RNGTT: variants seen among roughly 807,000 people sequenced by gnomAD.
RNGTT encodes RNA guanylyltransferase and 5'-phosphatase.
Under a neutral mutation model 79.3 loss-of-function variants are expected in RNGTT, and 33 were observed. The observed-to-expected ratio is 0.42, with a 90% confidence interval of 0.32 to 0.56. The LOEUF (loss-of-function observed/expected upper bound fraction) is 0.56. Among genes scored for constraint, RNGTT ranks in the 20% least tolerant of loss-of-function variants. The probability of loss-of-function intolerance (pLI) is 0.17; values close to 1 mark genes in which losing one functional copy is unlikely to be tolerated. For missense variants in RNGTT, 497 were observed against 739.1 expected (o/e 0.67, Z 3.80); for synonymous variants, 222 against 235.9 (o/e 0.94, Z 0.54).
rs149670509 is a variant in RNGTT at position 88,676,095 on chromosome 6, T to C, written c.1506+2258A>G. Among the ~76,000 whole-genome samples the C allele has an allele frequency of 2.0e-5, 3 of 152,286 alleles. No individual in the cohort carries two copies. The East Asian group carries it at 5.8e-4, about 29-fold the overall frequency. ...ATATGGAAATGAAAGGAACCTAGATTAGCCAAACAACATAGAAAAAGAACA... is the reference window on the plus strand; with the variant it reads ...ATATGGAAATGAAAGGAACCTAGATCAGCCAAACAACATAGAAAAAGAACA... On this transcript the variant is annotated intron_variant, in intron 14 of 15. Coordinates refer to ENST00000369485, the MANE Select transcript of RNGTT (RefSeq NM_003800.5).
intron 8 of RNGTT, among the ~76,000 whole-genome samples, chr6:88,858,114 G>C (rs909207644): frequency 6.6e-6 from 1 of 151,800 alleles, no homozygotes; most frequent in East Asian, 1.9e-4. Flanking sequence ...CATTTTGATG[G>C]GCAATAAAAA....
At chr6:88,764,954 A>T (rs141560145) in intron 13 of RNGTT, among the ~76,000 whole-genome samples, 50 of 152,224 alleles carry the variant, frequency 3.3e-4, no homozygotes, top group South Asian at 1.7e-3. Context: ...GCACTTTGGG[A>T]GGCCAAGGCA....
chr6:88,928,995 A>C lies in RNGTT; in HGVS notation c.357T>G (p.Pro119=), dbSNP rs1291513832. 2 of 1,608,922 alleles carry C rather than the reference A, an allele frequency of 1.2e-6. No individual in the cohort carries two copies. Among genetic ancestry groups the C allele is most frequent in the African/African-American group, 2.7e-5 (2 of 74,786 alleles). The change falls in exon 4 of 16, where the codon CCT becomes CCG. Residue 119 remains proline, a synonymous_variant. Transcript: ENST00000369485. The stretch of plus-strand genomic sequence containing the variant: ...TAAAGCCAAACATACCTATAAGTTC[A>C]GGTGGATTTCTTTCATTAAACCGCT... ...LCERFNERNP[P]ELIGVHCTHG... is the part of the protein sequence containing the mutation.
intron 14 of RNGTT, among the ~76,000 whole-genome samples, chr6:88,666,060 G>T (rs921208467): frequency 3.3e-5 from 5 of 152,182 alleles, no homozygotes; most frequent in East Asian, 1.9e-4. Flanking sequence ...GAGCTGTGGG[G>T]TTCTGCAGGT....
At chr6:88,667,133 T>A (rs1255032236) in intron 14 of RNGTT, among the ~76,000 whole-genome samples, 1 of 152,184 alleles carries the variant, frequency 6.6e-6, no homozygotes, top group Non-Finnish European at 1.5e-5. Context: ...ATCCACTCCC[T>A]TCCGAGCATC....
In RNGTT at chr6:88,611,126, G is replaced by A. The variant is rs1772008070; in HGVS notation, c.*1593C>T. The A allele has an allele frequency of 6.6e-6, 1 of 152,132 alleles. No homozygotes were observed. The highest frequency in any genetic ancestry group is 1.5e-5 in the Non-Finnish European group (1 of 68,018). 9.4% of individuals were successfully genotyped at this position (152,132 alleles called of 1,614,324 possible). ...AAATTCACTATACATTACATGACTTGGGAACAACGAAGAAAAAAGCCCAAG... is the reference window on the plus strand; with the variant it reads ...AAATTCACTATACATTACATGACTTAGGAACAACGAAGAAAAAAGCCCAAG... On this transcript the variant is annotated 3_prime_UTR_variant, in exon 16 of 16. Transcript: ENST00000369485.
chr6:88,831,303 G>T (rs1024138197), intron 11 of RNGTT, among the ~76,000 whole-genome samples: 2 of 152,168 alleles, frequency 1.3e-5, no homozygotes, highest in African/African-American at 2.4e-5. Flanking sequence ...ATCAATAAAT[G>T]TAATCCATCA....
At position 88,712,136 on chromosome 6, in the gene RNGTT, A is replaced by C. The variant is rs117341483; in HGVS notation, c.1440-33717T>G. Among the ~76,000 whole-genome samples the C allele has an allele frequency of 2.7e-3, 406 of 152,296 alleles. 1 individual carries two copies. Among genetic ancestry groups the C allele is most frequent in the South Asian group, 8.9e-3 (43 of 4,816 alleles). ...CTTTAGGGGGATAAATTTAATCTAA[A>C]ATATGTACTTGAGAATAGGCAAAGT... On this transcript the variant is annotated intron_variant, in intron 13 of 15. Coordinates refer to ENST00000369485, the MANE Select transcript of RNGTT (RefSeq NM_003800.5).
chr6:88,734,549 A>G (rs575767961), intron 13 of RNGTT, among the ~76,000 whole-genome samples: 1 of 152,032 alleles, frequency 6.6e-6, no homozygotes, highest in Admixed American at 6.5e-5. Flanking sequence ...GATTTTTTTT[A>G]AAAAGACCCA....
intron 8 of RNGTT, among the ~76,000 whole-genome samples, chr6:88,862,792 A>AT (rs1256915510): frequency 1.3e-5 from 2 of 152,288 alleles, no homozygotes; most frequent in South Asian, 2.1e-4. Context: ...CTGTCTAACC[A>AT]TTTTTTGACT....
intron 13 of RNGTT, among the ~76,000 whole-genome samples, chr6:88,713,659 A>G (rs999031949): frequency 1.3e-5 from 2 of 152,090 alleles, no homozygotes; most frequent in African/African-American, 4.8e-5. Flanking sequence ...TACGTATCAC[A>G]TTTTTCTTTA....
chr6:88,730,371 C>A (rs1311242138), intron 13 of RNGTT, among the ~76,000 whole-genome samples: 6 of 152,148 alleles, frequency 3.9e-5, no homozygotes, highest in Admixed American at 3.9e-4. Flanking sequence ...TGCCATCTAA[C>A]CCTAGCCAAT....
chr6:88,953,474 T>C (rs555767858), intron 1 of RNGTT, among the ~76,000 whole-genome samples: 2 of 152,300 alleles, frequency 1.3e-5, no homozygotes, highest in Admixed American at 1.3e-4. Flanking sequence ...TGTGGGATTA[T>C]GTTAAACAGC....
intron 11 of RNGTT, among the ~76,000 whole-genome samples, 196 bp from the exon 12 acceptor site, chr6:88,801,828 C>G (rs868390767): frequency 7.0e-6 from 1 of 142,894 alleles, no homozygotes; most frequent in Non-Finnish European, 1.5e-5. Flanking sequence ...CACAGACACA[C>G]ACACACACAC....
chr6:88,841,794 T>C (rs1003893713), intron 11 of RNGTT, among the ~76,000 whole-genome samples: 16 of 152,220 alleles, frequency 1.1e-4, no homozygotes, highest in Admixed American at 5.9e-4. Context: ...TTCTGGAATA[T>C]GACAAATTTC....
chr6:88,829,436 G>A (rs971035521), intron 11 of RNGTT, among the ~76,000 whole-genome samples: 1 of 152,210 alleles, frequency 6.6e-6, no homozygotes. Context: ...AAATTGTAAA[G>A]ACCATCGACA....
chr6:88,707,987 C>G lies in RNGTT; in HGVS notation c.1440-29568G>C, dbSNP rs146295916. 1.3e-4 allele frequency among the ~76,000 whole-genome samples: 19 copies of G among 151,972 alleles called. No homozygotes were observed. The East Asian group carries it at 3.1e-3, about 25-fold the overall frequency. On this transcript the variant is annotated intron_variant, in intron 13 of 15. Coordinates refer to ENST00000369485, the MANE Select transcript of RNGTT (RefSeq NM_003800.5). ...CAAGATCTAAGTAGACAAGCAGAAG[C>G]ACTAGCGCACTCAGTTTCGAGGAGT...
chr6:88,697,818 C>T (rs1367415858), intron 13 of RNGTT, among the ~76,000 whole-genome samples: 2 of 149,180 alleles, frequency 1.3e-5, no homozygotes, highest in Admixed American at 1.4e-4. Context: ...TTGCAGTAAG[C>T]CGAGACTGCA....
intron 12 of RNGTT, among the ~76,000 whole-genome samples, chr6:88,795,872 G>A (rs887058165): frequency 6.6e-6 from 1 of 152,066 alleles, no homozygotes; most frequent in Non-Finnish European, 1.5e-5. Flanking sequence ...ATAAAGAAAT[G>A]TAATCTTATT....
Sources: allele counts gnomAD v4.1 joint callset (sites outside exome capture counted in the v4.1 genomes callset), GRCh38; gene constraint gnomAD v4.1.1; transcripts MANE v1.5; gene names NCBI Gene and HGNC (gene_info 2026-07-23, HGNC 2026-07-21).